The following BICC1 variants were observed in gnomAD, a reference collection of about 807,000 sequenced individuals.
BICC1 encodes protein bicaudal C homolog 1.
Under a neutral mutation model 111.0 loss-of-function variants are expected in BICC1, and 43 were observed. The ratio of observed to expected loss-of-function variants is 0.39; its 90% CI spans 0.30 to 0.50. The LOEUF (loss-of-function observed/expected upper bound fraction) is 0.50, where lower values mean the gene tolerates loss of function less well. Among genes scored for constraint, BICC1 ranks in the 20% least tolerant of loss-of-function variants. BICC1 has a pLI of 0.88. For synonymous variants in BICC1, 467 were observed against 434.4 expected, an observed-to-expected ratio of 1.07 and a Z score of -0.93; for missense variants, 1,091 against 1,203.2, an observed-to-expected ratio of 0.91 and a Z score of 1.38.
chr10:58,789,657 T>C (rs766139123), intron 7 of BICC1, 25 bp from the exon 8 acceptor site: 3 of 1,613,244 alleles, frequency 1.9e-6, no homozygotes, highest in East Asian at 4.5e-5. Flanking sequence ...TATAGGATTA[T>C]TTCTTTCCCA....
intron 20 of BICC1, among the ~76,000 whole-genome samples, chr10:58,825,877 GT>G (rs1335894520): frequency 1.3e-5 from 2 of 152,046 alleles, no homozygotes; most frequent in Admixed American, 6.6e-5. Flanking sequence ...CAAAAGCAAA[GT>G]TATGACATCA....
intron 2 of BICC1, among the ~76,000 whole-genome samples, chr10:58,628,712 T>G (rs765069474): frequency 1.1e-4 from 16 of 152,156 alleles, no homozygotes; most frequent in Admixed American, 3.9e-4. Flanking sequence ...ATTCATAATA[T>G]TAAGGTGATC....
chr10:58,799,167 C>A lies in BICC1; in HGVS notation c.1640C>A (p.Pro547His), dbSNP rs1843456364. 1 of 1,613,946 alleles carries A rather than the reference C, an allele frequency of 6.2e-7. No homozygotes were observed. Among genetic ancestry groups the A allele is most frequent in the Non-Finnish European group, 8.5e-7 (1 of 1,179,946 alleles). ...GGGCACACAGCTCCATCTCCCCCTC[C>A]TGGCTTGACTCCTGTTGATGTCCAT... is the stretch of plus-strand genomic sequence containing the variant. ...TYGHTAPSPP[P>H]GLTPVDVHIN... The change falls in exon 12 of 21, where the codon CCT (proline) becomes CAT (histidine). Residue 547 changes from proline to histidine, a missense_variant. Physicochemically the swap from Pro to His is moderately conservative, Grantham distance 77. This residue lies in a region of BICC1 where 843 missense variants were observed against 900.8 expected (regional missense o/e 0.94). Transcript: ENST00000373886.
At chr10:58,664,566 A>G (rs7902410) in intron 2 of BICC1, among the ~76,000 whole-genome samples, 151,838 of 152,242 alleles carry the variant, frequency 1, 75,719 homozygotes, top group Middle Eastern at 1. Context: ...ACACATTGAT[A>G]ATATTTTTCA....
intron 3 of BICC1, among the ~76,000 whole-genome samples, chr10:58,749,789 T>A (rs1841934936): frequency 6.6e-6 from 1 of 152,124 alleles, no homozygotes; most frequent in Non-Finnish European, 1.5e-5. Flanking sequence ...TGCTTCAAAG[T>A]TGGGATTTTT....
rs539266539 is a variant in BICC1, at chr10:58,653,928, G to A, written c.237+33027G>A. 1.3e-4 allele frequency among the ~76,000 whole-genome samples: 20 copies of A among 149,962 alleles called. No homozygotes were observed. In the South Asian group the frequency reaches 3.4e-3, roughly 25 times the overall value. ...TTCCCACCTATGAGTGAGACTATGC[G>A]GTGTTTGGTTTTTTGTTCTTGTGAT... On this transcript the variant is annotated intron_variant, in intron 2 of 20. Coordinates refer to ENST00000373886, the MANE Select transcript of BICC1 (RefSeq NM_001080512.3).
At chr10:58,723,415 G>T (rs12261172) in intron 3 of BICC1, among the ~76,000 whole-genome samples, 3,054 of 152,242 alleles carry the variant, frequency 0.02, 118 homozygotes, top group African/African-American at 0.07. Context: ...TTGCCAAGAT[G>T]AACTGAATAT....
intron 2 of BICC1, among the ~76,000 whole-genome samples, chr10:58,701,869 T>G (rs1374405651): frequency 6.6e-6 from 1 of 152,174 alleles, no homozygotes; most frequent in African/African-American, 2.4e-5. Context: ...AAAATATATT[T>G]GAATATTTCT....
At chr10:58,739,424 G>T (rs1397385128) in intron 3 of BICC1, among the ~76,000 whole-genome samples, 1 of 152,152 alleles carries the variant, frequency 6.6e-6, no homozygotes, top group Non-Finnish European at 1.5e-5. Context: ...GCATCCCAGG[G>T]ATGAAGCCAA....
chr10:58,596,734 A>G (rs563186115), intron 1 of BICC1, among the ~76,000 whole-genome samples: 1 of 152,350 alleles, frequency 6.6e-6, no homozygotes, highest in Admixed American at 6.5e-5. Context: ...TCAATGTGCA[A>G]AAATCACAAG....
rs769293036 is a variant in BICC1, at chr10:58,831,090, G to A, written c.*2199G>A. 8 of 152,070 alleles carry A rather than the reference G, an allele frequency of 5.3e-5. No homozygotes were observed. The highest frequency in any genetic ancestry group is 2.1e-4 in the South Asian group (1 of 4,828). The allele number at this position is 152,070 out of a possible 1,614,324, so 9.4% of individuals were successfully genotyped here. ...GTCCCACTTAAATTAGATTAAGTAG[G>A]GTGGCTAAAAATAAATAAAAACACT... On this transcript the variant is annotated 3_prime_UTR_variant, in exon 21 of 21. Coordinates refer to ENST00000373886, the MANE Select transcript of BICC1 (RefSeq NM_001080512.3).
intron 2 of BICC1, among the ~76,000 whole-genome samples, chr10:58,696,035 C>CA (rs1840055066): frequency 1.3e-5 from 2 of 152,150 alleles, no homozygotes; most frequent in South Asian, 2.1e-4. Context: ...CTTCTAATTA[C>CA]AAAAAATTTG....
At chr10:58,811,306 G>C (rs191644529) in intron 17 of BICC1, among the ~76,000 whole-genome samples, 2 of 152,098 alleles carry the variant, frequency 1.3e-5, no homozygotes, top group Admixed American at 1.3e-4. Flanking sequence ...ACATATTCTC[G>C]GAGCAAATAA....
rs536986077 is a variant in BICC1, at chr10:58,708,840, A to G, written c.307+6697A>G. 3.8e-4 allele frequency among the ~76,000 whole-genome samples: 58 copies of G among 152,320 alleles called. No homozygotes were observed. The East Asian group carries it at 9.5e-3, about 25-fold the overall frequency. On this transcript the variant is annotated intron_variant, in intron 3 of 20. Coordinates refer to ENST00000373886, the MANE Select transcript of BICC1 (RefSeq NM_001080512.3). Reference sequence around the variant, plus strand: ...ACAGTTGCTGGCATTCACCCATGCAAGCTTCCAGCTTGCTTGTCTATGTTT... The same window carrying G: ...ACAGTTGCTGGCATTCACCCATGCAGGCTTCCAGCTTGCTTGTCTATGTTT...
intron 2 of BICC1, among the ~76,000 whole-genome samples, chr10:58,676,896 T>C (rs1016378706): frequency 4.6e-5 from 7 of 152,154 alleles, no homozygotes; most frequent in Non-Finnish European, 1.0e-4. Flanking sequence ...GCTGGTGATA[T>C]CGAGGCAAAC....
At chr10:58,668,390 T>A (rs976880286) in intron 2 of BICC1, among the ~76,000 whole-genome samples, 2 of 150,650 alleles carry the variant, frequency 1.3e-5, no homozygotes, top group Non-Finnish European at 3.0e-5. Flanking sequence ...TTTCACTCAA[T>A]TTTTTTTTCC....
At chr10:58,635,374 T>C (rs1316330747) in intron 2 of BICC1, among the ~76,000 whole-genome samples, 4 of 152,236 alleles carry the variant, frequency 2.6e-5, no homozygotes, top group African/African-American at 9.6e-5. Flanking sequence ...ATGATTTCTT[T>C]TTCTTGCTAG....
intron 3 of BICC1, among the ~76,000 whole-genome samples, chr10:58,746,848 T>C (rs1476660679): frequency 6.6e-6 from 1 of 152,192 alleles, no homozygotes; most frequent in African/African-American, 2.4e-5. Context: ...TAAAGTCAGC[T>C]GATATGTCAA....
At chr10:58,512,749 G>A (rs1564465496), upstream of BICC1, among the ~76,000 whole-genome samples, 1 of 151,512 alleles carries the variant, frequency 6.6e-6, no homozygotes, top group African/African-American at 2.4e-5. Context: ...AGCGCCAGGG[G>A]CCGCCCGCCC....
Sources: allele counts gnomAD v4.1 joint callset (sites outside exome capture counted in the v4.1 genomes callset), GRCh38; gene constraint gnomAD v4.1.1; regional missense constraint gnomAD v4.1.1; transcripts MANE v1.5; gene names NCBI Gene and HGNC (gene_info 2026-07-23, HGNC 2026-07-21).